The following PTPN14 variants were observed in gnomAD, a reference collection of about 807,000 sequenced individuals.
The protein encoded by PTPN14 is tyrosine-protein phosphatase non-receptor type 14.
PTPN14 carries 53 observed loss-of-function variants against 126.8 expected under a neutral mutation model. The ratio of observed to expected loss-of-function variants is 0.42; its 90% confidence interval spans 0.34 to 0.53. PTPN14 has a LOEUF of 0.53. PTPN14 is among the 20% of genes least tolerant of loss of function. The probability of loss-of-function intolerance (pLI) is 0.08; values close to 1 mark genes in which losing one functional copy is unlikely to be tolerated. For synonymous variants in PTPN14, 630 were observed against 599.3 expected (o/e 1.05, Z -0.75); for missense variants, 1,257 against 1,552.9 (o/e 0.81, Z 3.20).
At chr1:214,451,439 A>G (rs1396434411) in intron 3 of PTPN14, among the ~76,000 whole-genome samples, 2 of 152,116 alleles carry the variant, frequency 1.3e-5, no homozygotes, top group Admixed American at 6.6e-5. Flanking sequence ...AAGTGTTGAT[A>G]TTACAGGTAT....
intron 1 of PTPN14, among the ~76,000 whole-genome samples, chr1:214,547,320 T>C (rs1339859561): frequency 6.6e-6 from 1 of 152,206 alleles, no homozygotes; most frequent in East Asian, 1.9e-4. Flanking sequence ...TCTCCAGCCC[T>C]GCACGCAATC....
At chr1:214,529,303 A>G (rs1426495833) in intron 1 of PTPN14, 1 of 151,690 alleles carries the variant, frequency 6.6e-6, no homozygotes, top group African/African-American at 2.4e-5. Flanking sequence ...GGCATGACAG[A>G]GTGAGACACT....
At chr1:214,485,253 C>T (rs953675986) in intron 1 of PTPN14, among the ~76,000 whole-genome samples, 1 of 152,126 alleles carries the variant, frequency 6.6e-6, no homozygotes, top group African/African-American at 2.4e-5. Flanking sequence ...ATTCTGAGCA[C>T]TTATAAGTGA....
At chr1:214,532,852 GC>G in intron 1 of PTPN14, 1 of 1,015,596 alleles carries the variant, frequency 9.8e-7, no homozygotes, top group Non-Finnish European at 1.5e-6. Flanking sequence ...AGGCCTACAA[GC>G]CCAGATTGCC....
chr1:214,498,171 T>C (rs1462785048), intron 1 of PTPN14, among the ~76,000 whole-genome samples: 2 of 152,246 alleles, frequency 1.3e-5, no homozygotes, highest in Non-Finnish European at 2.9e-5. Context: ...CTGAATGTTA[T>C]TGTTTCTGTC....
intron 17 of PTPN14, among the ~76,000 whole-genome samples, chr1:214,369,229 A>G (rs1658155910): frequency 6.6e-6 from 1 of 152,366 alleles, no homozygotes; most frequent in Admixed American, 6.5e-5. Flanking sequence ...TAGAGCCAAT[A>G]TGTTGATCAC....
chr1:214,430,883 T>C (rs1160273188), intron 3 of PTPN14, among the ~76,000 whole-genome samples: 1 of 152,188 alleles, frequency 6.6e-6, no homozygotes, highest in Non-Finnish European at 1.5e-5. Flanking sequence ...TCTACCCAAA[T>C]AGATTGAAAA....
At chr1:214,445,758 C>A (rs12074810) in intron 3 of PTPN14, among the ~76,000 whole-genome samples, 57,501 of 151,570 alleles carry the variant, frequency 0.38, 11,134 homozygotes, top group East Asian at 0.52. Flanking sequence ...GTGATCTTGG[C>A]CAGCAATTTT....
intron 2 of PTPN14, among the ~76,000 whole-genome samples, chr1:214,452,741 T>G (rs1660299162): frequency 1.3e-5 from 2 of 152,356 alleles, no homozygotes; most frequent in African/African-American, 4.8e-5. Context: ...GGTACTTTTA[T>G]GCACCCAATC....
intron 1 of PTPN14, among the ~76,000 whole-genome samples, chr1:214,497,690 T>G (rs1338006125): frequency 1.2e-4 from 19 of 152,176 alleles, no homozygotes; most frequent in Admixed American, 1.2e-3. Context: ...GCTTACCATA[T>G]ATTACCGAGT....
intron 6 of PTPN14, among the ~76,000 whole-genome samples, chr1:214,402,317 G>A (rs1455798006): frequency 4.0e-5 from 6 of 150,800 alleles, no homozygotes; most frequent in African/African-American, 4.9e-5. Flanking sequence ...GCATGTGCCT[G>A]TAATCCCAGC....
At chr1:214,505,716 C>G (rs1308967891) in intron 1 of PTPN14, among the ~76,000 whole-genome samples, 2 of 152,086 alleles carry the variant, frequency 1.3e-5, no homozygotes, top group African/African-American at 4.8e-5. Flanking sequence ...GGCAACACAG[C>G]AAGACGTCAC....
chr1:214,485,465 C>A (rs2102410954), intron 1 of PTPN14, among the ~76,000 whole-genome samples: 1 of 152,320 alleles, frequency 6.6e-6, no homozygotes. Context: ...GGGATCAAGT[C>A]CTCATTAGAC....
chr1:214,384,603 T>C lies in PTPN14; in HGVS notation c.1252A>G (p.Ser418Gly), dbSNP rs770228971. The change falls in exon 13 of 19, where the codon AGT (serine) becomes GGT (glycine). Residue 418 changes from serine to glycine, a missense_variant. Ser to Gly is a moderately conservative substitution (Grantham distance 56). Coordinates refer to ENST00000366956, the MANE Select transcript of PTPN14 (RefSeq NM_005401.5). The surrounding 1 kb of genome is among the most constrained non-coding windows in gnomAD (Gnocchi z 5.3). ...ATGTAGTCGGCCCGCATGATGTCAC[T>C]CCCAGGGATACTGAGGTTGGAGGAT... ...PVSSNLSIPG[S>G]DIMRADYIPS... 1 of 1,614,114 alleles carries C rather than the reference T, an allele frequency of 6.2e-7. No homozygotes were observed. The highest frequency in any genetic ancestry group is 8.5e-7 in the Non-Finnish European group (1 of 1,180,020).
chr1:214,537,547 T>C (rs1655738150), intron 1 of PTPN14, among the ~76,000 whole-genome samples: 1 of 152,200 alleles, frequency 6.6e-6, no homozygotes, highest in South Asian at 2.1e-4. Context: ...CTTCACAGGG[T>C]TGCCGTAAGG....
intron 11 of PTPN14, among the ~76,000 whole-genome samples, chr1:214,389,235 T>TA (rs1658695906): frequency 1.3e-5 from 2 of 152,150 alleles, no homozygotes; most frequent in Non-Finnish European, 2.9e-5. Context: ...TTGCCTTATT[T>TA]AAAAAAAACC....
At chr1:214,503,716 G>T (rs560638068) in intron 1 of PTPN14, among the ~76,000 whole-genome samples, 3 of 152,314 alleles carry the variant, frequency 2.0e-5, no homozygotes, top group African/African-American at 7.2e-5. Context: ...GATGTACTTA[G>T]CTGCAGGAAG....
intron 17 of PTPN14, among the ~76,000 whole-genome samples, chr1:214,366,302 A>G (rs1658080361): frequency 6.6e-6 from 1 of 152,192 alleles, no homozygotes. Flanking sequence ...TGCGAGGGGG[A>G]AAAGACATTA....
chr1:214,430,530 G>A (rs1042477407), intron 3 of PTPN14, among the ~76,000 whole-genome samples: 1 of 152,160 alleles, frequency 6.6e-6, no homozygotes, highest in African/African-American at 2.4e-5. Flanking sequence ...ATATGAATGG[G>A]TCTCGTCCAA....
Sources: allele counts gnomAD v4.1 joint callset (sites outside exome capture counted in the v4.1 genomes callset), GRCh38; gene constraint gnomAD v4.1.1; non-coding constraint Gnocchi (gnomAD v3.1); transcripts MANE v1.5; gene names NCBI Gene and HGNC (gene_info 2026-07-23, HGNC 2026-07-21).